Variants in CCDC148 observed in about 807,000 individuals in gnomAD.
CCDC148 encodes the protein coiled-coil domain-containing protein 148.
A neutral mutation model predicts 85.7 loss-of-function variants in CCDC148; 89 were observed. The observed-to-expected ratio is 1.04, with a 90% confidence interval of 0.87 to 1.24. CCDC148 has a LOEUF of 1.24. Among genes scored for constraint, CCDC148 ranks in the 50% most tolerant of loss-of-function variants. The pLI, the probability that CCDC148 is intolerant of heterozygous loss-of-function variation, is 0.00. For synonymous variants in CCDC148, 230 were observed against 213.9 expected (o/e 1.08, Z -0.66); for missense variants, 692 against 671.7 (o/e 1.03, Z -0.33).
chr2:158,348,798 ATATGTT>A (rs1683121849), intron 2 of CCDC148, among the ~76,000 whole-genome samples: 1 of 152,116 alleles, frequency 6.6e-6, no homozygotes, highest in Non-Finnish European at 1.5e-5. Flanking sequence ...CCAATTGTGC[ATATGTT>A]TATAATTTTC....
chr2:158,338,623 A>G lies in CCDC148; in HGVS notation c.764+103T>C, dbSNP rs561338945. ...TCTAAACATTTATTGATTGTATTCC[A>G]GTTACATAGTAACTATACAGTAAGT... On this transcript the variant is annotated intron_variant, in intron 7 of 13. Coordinates refer to ENST00000283233, the MANE Select transcript of CCDC148 (RefSeq NM_138803.4). 9.9e-5 allele frequency: 76 copies of G among 765,230 alleles called. No homozygotes were observed. The African/African-American group carries it at 1.3e-3, about 13-fold the overall frequency. The allele number at this position is 765,230 out of a possible 1,614,324, so 47.4% of individuals were successfully genotyped here. A position where few individuals can be genotyped will look rare whatever the true frequency, so the allele number is the denominator to read the frequency against.
intron 1 of CCDC148, among the ~76,000 whole-genome samples, chr2:158,396,920 T>G (rs1052783017): frequency 6.6e-6 from 1 of 152,108 alleles, no homozygotes; most frequent in African/African-American, 2.4e-5. Context: ...TTCCTCAATC[T>G]TATTTCTGCT....
intron 11 of CCDC148, among the ~76,000 whole-genome samples, chr2:158,197,333 C>T (rs568292579): frequency 7.2e-5 from 11 of 152,076 alleles, no homozygotes; most frequent in African/African-American, 1.2e-4. Context: ...AGTCTAATTA[C>T]GAAAAAGTCA....
rs1233476699 is a variant in CCDC148 at position 158,192,180 on chromosome 2, T to G, written c.1371-13184A>C. Reference sequence around the variant, plus strand: ...AACATGTATATATCTTCTCGCCAGCTTTATTCAAGTATGGACAGAAATAAA... The same window carrying G: ...AACATGTATATATCTTCTCGCCAGCGTTATTCAAGTATGGACAGAAATAAA... On this transcript the variant is annotated intron_variant, in intron 11 of 13. Transcript: ENST00000283233. Among the ~76,000 whole-genome samples, 3 of 152,186 alleles carry G rather than the reference T, an allele frequency of 2.0e-5. No individual in the cohort carries two copies. In the East Asian group the frequency reaches 5.8e-4, roughly 29 times the overall value.
chr2:158,366,093 A>G, intron 1 of CCDC148: 1 of 1,477,372 alleles, frequency 6.8e-7, no homozygotes. Context: ...AGGAAACGAG[A>G]GAACTAAAAT....
At chr2:158,234,086 G>C (rs1687983692) in intron 10 of CCDC148, among the ~76,000 whole-genome samples, 1 of 151,968 alleles carries the variant, frequency 6.6e-6, no homozygotes, top group Non-Finnish European at 1.5e-5. Flanking sequence ...TGAGGCAGGA[G>C]AATCACTTGA....
At chr2:158,400,375 A>T (rs1685725752) in intron 1 of CCDC148, among the ~76,000 whole-genome samples, 1 of 152,190 alleles carries the variant, frequency 6.6e-6, no homozygotes, top group Non-Finnish European at 1.5e-5. Flanking sequence ...AGACCAATGG[A>T]ACAGAACAGA....
At chr2:158,403,701 C>T (rs979418284) in intron 1 of CCDC148, among the ~76,000 whole-genome samples, 1 of 152,076 alleles carries the variant, frequency 6.6e-6, no homozygotes, top group African/African-American at 2.4e-5. Flanking sequence ...CACACACACA[C>T]ACACACAAAC....
At chr2:158,363,751 CACAAG>C (rs1199597279) in intron 1 of CCDC148, among the ~76,000 whole-genome samples, 14 of 152,120 alleles carry the variant, frequency 9.2e-5, no homozygotes, top group African/African-American at 2.9e-4. Flanking sequence ...TGAAAACTGG[CACAAG>C]ACAAGGATGC....
intron 9 of CCDC148, among the ~76,000 whole-genome samples, chr2:158,276,801 A>G (rs1689967461): frequency 6.6e-6 from 1 of 152,246 alleles, no homozygotes; most frequent in Admixed American, 6.5e-5. Context: ...CAGACTTTGA[A>G]AAGGCCACTT....
intron 7 of CCDC148, among the ~76,000 whole-genome samples, chr2:158,323,838 T>C (rs1409119386): frequency 1.3e-5 from 2 of 152,080 alleles, no homozygotes. Context: ...ACTTAGATTT[T>C]TAAAAACATG....
In CCDC148 at chr2:158,177,207, T is replaced by TA. The variant is rs545435110; in HGVS notation, c.1489-547dup. 4.6e-3 allele frequency among the ~76,000 whole-genome samples: 696 copies of TA among 152,006 alleles called. 4 individuals carry two copies. Among genetic ancestry groups the TA allele is most frequent in the South Asian group, 0.013 (63 of 4,818 alleles). ...GCAACTAGATTTCCAGGGACTGCTA[T>TA]AAACCATTGTCCTCCTTCTACTGAA... On this transcript the variant is annotated intron_variant, in intron 12 of 13. Coordinates refer to ENST00000283233, the MANE Select transcript of CCDC148 (RefSeq NM_138803.4).
intron 11 of CCDC148, among the ~76,000 whole-genome samples, chr2:158,216,449 T>G (rs1446264947): frequency 6.8e-5 from 9 of 132,174 alleles, no homozygotes; most frequent in Non-Finnish European, 1.5e-5. Context: ...CAGGCTGCAG[T>G]GCAGTGGCAT....
intron 10 of CCDC148, among the ~76,000 whole-genome samples, chr2:158,232,481 A>G (rs1159869312): frequency 6.6e-6 from 1 of 152,164 alleles, no homozygotes; most frequent in Non-Finnish European, 1.5e-5. Flanking sequence ...AAAAACTTGG[A>G]CCAATATTAT....
At position 158,347,179 on chromosome 2, in the gene CCDC148, T is replaced by C. The variant is rs140055487; in HGVS notation, c.148-1861A>G. Reference sequence around the variant, plus strand: ...AGTCTCTAAAGTTTGTTGCAACAGATACAACTTTTAAAATTAGATTTCTTT... The same window carrying C: ...AGTCTCTAAAGTTTGTTGCAACAGACACAACTTTTAAAATTAGATTTCTTT... On this transcript the variant is annotated intron_variant, in intron 2 of 13. Transcript: ENST00000283233. Among the ~76,000 whole-genome samples, 1,473 of 152,278 alleles carry C rather than the reference T, an allele frequency of 9.7e-3. 20 individuals are homozygous for C. Among genetic ancestry groups the C allele is most frequent in the African/African-American group, 0.033 (1,367 of 41,560 alleles).
rs1305316664 is a variant in CCDC148, at chr2:158,456,477, A to G, written c.-38T>C. On this transcript the variant is annotated 5_prime_UTR_variant, in exon 1 of 14. Coordinates refer to ENST00000283233, the MANE Select transcript of CCDC148 (RefSeq NM_138803.4). ...AGGGCATAGCCTCAGGGACTCCCCAAACGCAGGAAAAGTGAAACGCCCACT... is the reference window on the plus strand; with the variant it reads ...AGGGCATAGCCTCAGGGACTCCCCAGACGCAGGAAAAGTGAAACGCCCACT... The G allele has an allele frequency of 6.2e-7, 1 of 1,602,608 alleles. No homozygotes were observed. The highest frequency in any genetic ancestry group is 1.7e-5 in the Admixed American group (1 of 58,226).
At chr2:158,337,636 T>A (rs774075894) in intron 7 of CCDC148, among the ~76,000 whole-genome samples, 1 of 152,062 alleles carries the variant, frequency 6.6e-6, no homozygotes, top group Non-Finnish European at 1.5e-5. Context: ...GGAAAGGCTA[T>A]CAGGAGACCA....
At chr2:158,300,819 T>C (rs1047083497) in intron 9 of CCDC148, among the ~76,000 whole-genome samples, 3 of 152,064 alleles carry the variant, frequency 2.0e-5, no homozygotes, top group Admixed American at 6.6e-5. Context: ...TGTAAGCAAA[T>C]GAGATGGTAT....
At chr2:158,179,400 G>T (rs778813160) in intron 11 of CCDC148, among the ~76,000 whole-genome samples, 1 of 151,754 alleles carries the variant, frequency 6.6e-6, no homozygotes, top group Non-Finnish European at 1.5e-5. Context: ...CTCGTGATCC[G>T]CCTGCCTTGG....
Sources: gnomAD v4.1 joint callset for allele counts (sites outside exome capture counted in the v4.1 genomes callset) on GRCh38, gnomAD v4.1.1 for gene constraint, MANE v1.5 for transcripts, NCBI Gene and HGNC (gene_info 2026-07-23, HGNC 2026-07-21) for gene names.